FCRL4: variants seen among roughly 807,000 people sequenced by gnomAD.
FCRL4 encodes the protein Fc receptor-like protein 4.
FCRL4 carries 43 observed loss-of-function variants against 64.1 expected under a neutral mutation model. The ratio of observed to expected loss-of-function variants is 0.67; its 90% CI spans 0.53 to 0.87. The LOEUF (loss-of-function observed/expected upper bound fraction) is 0.87. FCRL4 is among the 40% of genes least tolerant of loss of function. The probability of loss-of-function intolerance (pLI) is 0.00; values close to 1 mark genes in which losing one functional copy is unlikely to be tolerated. For missense variants in FCRL4, 656 were observed against 613.5 expected, an observed-to-expected ratio of 1.07 and a Z score of -0.73; for synonymous variants, 253 against 239.8, an observed-to-expected ratio of 1.05 and a Z score of -0.51.
In FCRL4 at chr1:157,574,094, A is replaced by G. The variant is rs543534201; in HGVS notation, c.*1430T>C. On this transcript the variant is annotated 3_prime_UTR_variant, in exon 12 of 12. Transcript: ENST00000271532. ...TAAAGATCAAATCAGCGTAGTTGGG[A>G]TATCTGTCACCTTAAATATTCGTCT... 165 of 216,708 alleles carry G rather than the reference A, an allele frequency of 7.6e-4. No homozygotes were observed. The highest frequency in any genetic ancestry group is 1.3e-3 in the Non-Finnish European group (141 of 107,616). 13.4% of individuals were successfully genotyped at this position (216,708 alleles called of 1,614,324 possible).
chr1:157,590,518 CTTTTT>C (rs143709985), intron 2 of FCRL4, among the ~76,000 whole-genome samples: 3 of 132,400 alleles, frequency 2.3e-5, no homozygotes, highest in African/African-American at 2.8e-5. Context: ...GTTAGTCTGT[CTTTTT>C]TTTTTTTTTT....
chr1:157,575,608 A>T lies in FCRL4; in HGVS notation c.1464T>A (p.Asp488Glu). The T allele has an allele frequency of 1.9e-6, 3 of 1,613,700 alleles. No homozygotes were observed. Among genetic ancestry groups the T allele is most frequent in the Non-Finnish European group, 2.5e-6 (3 of 1,179,612 alleles). ...NTSRTLLEDK[D>E]VSVVYSEVKT... ...TTACCTCAGAGTAGACAACTGAGAC[A>T]TCCTGAAATGGAAGAAAGAAGTGGA... Residue 488 changes from aspartate (D) to glutamate (E), a missense_variant and splice_region_variant, in exon 12 of 12, where the codon GAT (aspartate) becomes GAA (glutamate). Transcript: ENST00000271532.
chr1:157,587,867 T>C lies in FCRL4; in HGVS notation c.560A>G (p.Gln187Arg), dbSNP rs751067721. 3.1e-6 allele frequency: 5 copies of C among 1,603,932 alleles called. No homozygotes were observed. The East Asian group carries it at 6.7e-5, about 21-fold the overall frequency. The stretch of plus-strand genomic sequence containing the variant: ...TCTATATGAACTGAAAGATTCACCT[T>C]GAATTTTAATTATTTTGAAATTTGA... ...FRSNFKIIKIQELFPHPELKA... is the reference protein window; with the variant it reads ...FRSNFKIIKIRELFPHPELKA... Residue 187 changes from glutamine to arginine, a missense_variant and splice_region_variant, in exon 4 of 12, where the codon CAA (glutamine) becomes CGA (arginine). Physicochemically the swap from Gln to Arg is conservative, Grantham distance 43 (BLOSUM62 1). Coordinates refer to ENST00000271532, the MANE Select transcript of FCRL4 (RefSeq NM_031282.3).
chr1:157,581,800 G>A (rs902322417), intron 6 of FCRL4, among the ~76,000 whole-genome samples, 156 bp from the exon 7 acceptor site: 6 of 152,196 alleles, frequency 3.9e-5, no homozygotes, highest in South Asian at 2.1e-4. Context: ...GGCCAGAAAA[G>A]CTCACATTGG....
intron 3 of FCRL4, among the ~76,000 whole-genome samples, chr1:157,588,761 C>G (rs1281041124): frequency 6.6e-6 from 1 of 152,262 alleles, no homozygotes; most frequent in East Asian, 1.9e-4. Context: ...TGATGCCAAT[C>G]AGAGGGAAAA....
At chr1:157,596,715 C>A (rs1235371574) in intron 1 of FCRL4, among the ~76,000 whole-genome samples, 1 of 152,118 alleles carries the variant, frequency 6.6e-6, no homozygotes, top group Non-Finnish European at 1.5e-5. Context: ...CTGCTGATTC[C>A]TCTTCTCTTG....
At chr1:157,591,221 T>A (rs1176174372) in intron 2 of FCRL4, among the ~76,000 whole-genome samples, 1 of 152,154 alleles carries the variant, frequency 6.6e-6, no homozygotes, top group African/African-American at 2.4e-5. Flanking sequence ...TTTCCTAAAG[T>A]AGAGAGAAGG....
chr1:157,576,879 G>A (rs941937553), intron 10 of FCRL4, among the ~76,000 whole-genome samples: 2 of 152,180 alleles, frequency 1.3e-5, no homozygotes, highest in Admixed American at 1.3e-4. Flanking sequence ...TCCTTTACTG[G>A]CTTTGTGACC....
In FCRL4 at chr1:157,589,432, C is replaced by T. The variant is rs542347045; in HGVS notation, c.79G>A (p.Val27Ile). The T allele has an allele frequency of 5.0e-5, 81 of 1,613,938 alleles. No individual in the cohort carries two copies. Among genetic ancestry groups the T allele is most frequent in the Admixed American group, 1.3e-4 (8 of 59,996 alleles). Residue 27 changes from valine (V) to isoleucine (I), a missense_variant, in exon 3 of 12, where the codon GTC (valine) becomes ATC (isoleucine). Transcript: ENST00000271532. ...SAAAHKPVIS[V>I]HPPWTTFFKG... is the part of the protein sequence containing the mutation. Reference sequence around the variant, plus strand: ...AAGAATGTGGTCCATGGAGGATGGACGGAAATCACAGGTTTGTGTGCAGCT... The same window carrying T: ...AAGAATGTGGTCCATGGAGGATGGATGGAAATCACAGGTTTGTGTGCAGCT...
intron 10 of FCRL4, among the ~76,000 whole-genome samples, chr1:157,576,710 C>T (rs1276330882): frequency 6.6e-6 from 1 of 152,204 alleles, no homozygotes; most frequent in Non-Finnish European, 1.5e-5. Flanking sequence ...AGTGGCCATT[C>T]TAATGCTGCC....
At chr1:157,581,831 A>T (rs1382445897) in intron 6 of FCRL4, among the ~76,000 whole-genome samples, 187 bp from the exon 7 acceptor site, 1 of 152,210 alleles carries the variant, frequency 6.6e-6, no homozygotes, top group Non-Finnish European at 1.5e-5. Flanking sequence ...GCCTGAGTGC[A>T]AGAGGAAACA....
chr1:157,589,694 C>T (rs556061872), intron 2 of FCRL4, among the ~76,000 whole-genome samples: 1 of 152,348 alleles, frequency 6.6e-6, no homozygotes, highest in South Asian at 2.1e-4. Context: ...TGGCAGGATC[C>T]ACTCAGCAGT....
At chr1:157,593,303 A>G (rs960080453) in intron 2 of FCRL4, among the ~76,000 whole-genome samples, 1 of 152,180 alleles carries the variant, frequency 6.6e-6, no homozygotes, top group African/African-American at 2.4e-5. Flanking sequence ...ACCTTTTTGA[A>G]TACAAACATC....
chr1:157,588,230 T>G, intron 3 of FCRL4, 111 bp from the exon 4 acceptor site: 1 of 1,329,092 alleles, frequency 7.5e-7, no homozygotes, highest in Non-Finnish European at 1.0e-6. Context: ...AGGATGTAGT[T>G]TCCTGATCCA....
intron 8 of FCRL4, among the ~76,000 whole-genome samples, chr1:157,579,943 CAT>C (rs56689851): frequency 0.071 from 10,822 of 152,124 alleles, 1,277 homozygotes; most frequent in African/African-American, 0.25. Flanking sequence ...TTATTAGAAA[CAT>C]AGAGTTCTCT....
At position 157,577,041 on chromosome 1, in the gene FCRL4, T is replaced by G. The variant is rs540900801; in HGVS notation, c.1430-1311A>C. Among the ~76,000 whole-genome samples the G allele has an allele frequency of 1.1e-4, 16 of 152,344 alleles. No homozygotes were observed. In the East Asian group the frequency reaches 3.1e-3, roughly 29 times the overall value. The stretch of plus-strand genomic sequence containing the variant: ...CAAGAAATAGAGAGAATTGCTTGTT[T>G]CCTTGACTCTAAGAACCCAGGTTAA... On this transcript the variant is annotated intron_variant, in intron 10 of 11. Transcript: ENST00000271532.
intron 10 of FCRL4, 99 bp downstream of exon 10, chr1:157,578,375 C>T (rs2101674732): frequency 9.9e-7 from 1 of 1,011,012 alleles, no homozygotes. Flanking sequence ...ATTGACTTCC[C>T]ATACTTACAA....
rs1571134772 is a variant in FCRL4 at position 157,578,692 on chromosome 1, G to T, written c.1360+78C>A. 5 of 1,476,536 alleles carry T rather than the reference G, an allele frequency of 3.4e-6. No homozygotes were observed. The East Asian group carries it at 1.1e-4, about 34-fold the overall frequency. The allele number at this position is 1,476,536 out of a possible 1,614,324, so 91.5% of individuals were successfully genotyped here. A position where few individuals can be genotyped will look rare whatever the true frequency, so the allele number is the denominator to read the frequency against. ...ATTTGGGACACTTTAGGGAGTCCAG[G>T]GGCATTTCCCAGGGCTGAAAGCGCA... On this transcript the variant is annotated intron_variant, in intron 9 of 11. Coordinates refer to ENST00000271532, the MANE Select transcript of FCRL4 (RefSeq NM_031282.3).
chr1:157,578,729 T>C (rs1652475619), intron 9 of FCRL4, 41 bp downstream of exon 9: 1 of 1,593,866 alleles, frequency 6.3e-7, no homozygotes, highest in African/African-American at 1.3e-5. Context: ...TATCTTTCCA[T>C]GGCTGAGGCC....
Sources: gnomAD v4.1 joint callset for allele counts (sites outside exome capture counted in the v4.1 genomes callset) on GRCh38, gnomAD v4.1.1 for gene constraint, MANE v1.5 for transcripts, NCBI Gene and HGNC (gene_info 2026-07-23, HGNC 2026-07-21) for gene names.